CANX: variants seen among roughly 807,000 people sequenced by gnomAD.
CANX encodes calnexin, also known as epididymis secretory sperm binding protein.
Under a neutral mutation model 75.7 loss-of-function variants are expected in CANX, and 14 were observed. The ratio of observed to expected loss-of-function variants is 0.19; its 90% CI spans 0.12 to 0.29. The LOEUF (loss-of-function observed/expected upper bound fraction) is 0.29. CANX is among the 10% of genes least tolerant of loss of function. The pLI, the probability that CANX is intolerant of heterozygous loss-of-function variation, is 1.00. For synonymous variants in CANX, 227 were observed against 236.9 expected, an observed-to-expected ratio of 0.96 and a Z score of 0.38; for missense variants, 567 against 713.2, an observed-to-expected ratio of 0.79 and a Z score of 2.34.
rs11552425 is a variant in CANX, at chr5:179,730,285, C to A, written c.*1641C>A. The A allele has an allele frequency of 2.2e-5, 3 of 137,202 alleles. No homozygotes were observed. Among genetic ancestry groups the A allele is most frequent in the Non-Finnish European group, 5.0e-5 (3 of 59,680 alleles). 8.5% of individuals were successfully genotyped at this position (137,202 alleles called of 1,614,324 possible). On this transcript the variant is annotated 3_prime_UTR_variant, in exon 15 of 15. Transcript: ENST00000247461. ...ATGAAGGCTGTATCTATTTTTTTTT[C>A]TTTTTAAAGTTTGTTCACTTAAATT...
rs1212787698 is a variant in CANX at position 179,731,624 on chromosome 5, CA to C, written c.*2981del. ...TTCTCTTGATTTTAAAATAAAACCT[CA>C]TGAGCCCTAGTAAAAAGCTAGAGTA... On this transcript the variant is annotated 3_prime_UTR_variant, in exon 15 of 15. Coordinates refer to ENST00000247461, the MANE Select transcript of CANX (RefSeq NM_001746.4). 6.6e-6 allele frequency among the ~76,000 whole-genome samples: 1 copy of C among 152,208 alleles called. No individual in the cohort carries two copies. The highest frequency in any genetic ancestry group is 1.5e-5 in the Non-Finnish European group (1 of 68,032).
chr5:179,708,402 T>TA, intron 5 of CANX, 22 bp downstream of exon 5: 1 of 1,605,140 alleles, frequency 6.2e-7, no homozygotes, highest in South Asian at 1.1e-5. Context: ...GCTTGTTGGA[T>TA]AAAAGCTTTC....
intron 7 of CANX, among the ~76,000 whole-genome samples, chr5:179,713,913 TC>T (rs1172319668): frequency 6.6e-6 from 1 of 152,234 alleles, no homozygotes; most frequent in African/African-American, 2.4e-5. Flanking sequence ...AGACTCTGTC[TC>T]TATAAAATAG....
At chr5:179,708,034 A>G (rs1234436257) in intron 4 of CANX, among the ~76,000 whole-genome samples, 1 of 151,946 alleles carries the variant, frequency 6.6e-6, no homozygotes, top group African/African-American at 2.4e-5. Context: ...ATGGGGTTTC[A>G]CCATGTTGGC....
intron 1 of CANX, chr5:179,704,576 C>T (rs1285365454): frequency 1.3e-5 from 2 of 151,414 alleles, no homozygotes; most frequent in Non-Finnish European, 2.9e-5. Context: ...TGGCTCACGC[C>T]TGTAATCCCA....
At chr5:179,726,853 G>A in intron 14 of CANX, 94 bp downstream of exon 14, 2 of 905,758 alleles carry the variant, frequency 2.2e-6, no homozygotes, top group Non-Finnish European at 3.5e-6. Context: ...AGTGGCTTAT[G>A]GCAGTAAAAA....
At chr5:179,725,152 A>G (rs1002889589) in intron 13 of CANX, among the ~76,000 whole-genome samples, 1 of 152,110 alleles carries the variant, frequency 6.6e-6, no homozygotes, top group African/African-American at 2.4e-5. Context: ...CACCCCTCCA[A>G]GTAGCTGGGA....
chr5:179,726,669 T>A lies in CANX; in HGVS notation c.1646-11T>A. ...ATAAGGTTTTGCTCAGTTGTTTAAC[T>A]TCTGTCTTAGAAGAGAAACAGAAAA... On this transcript the variant is annotated splice_polypyrimidine_tract_variant and intron_variant, in intron 13 of 14. Coordinates refer to ENST00000247461, the MANE Select transcript of CANX (RefSeq NM_001746.4). The A allele has an allele frequency of 6.2e-7, 1 of 1,600,472 alleles. No individual in the cohort carries two copies. The highest frequency in any genetic ancestry group is 1.1e-5 in the South Asian group (1 of 90,748).
At chr5:179,725,862 C>G (rs1233377529) in intron 13 of CANX, among the ~76,000 whole-genome samples, 2 of 151,368 alleles carry the variant, frequency 1.3e-5, no homozygotes, top group Admixed American at 1.3e-4. Flanking sequence ...GTGGCGGGCG[C>G]CTGTAGTCCC....
Position 179,722,875 on chromosome 5 carries a change from T to G in CANX, c.1254T>G (p.Pro418=). ...ATCTGGAACCTTTCAGAATGACTCC[T>G]TTTAGTGCTATTGGTTTGGAGCTGT... ...FEDLEPFRMT[P]FSAIGLELWS... Residue 418 remains proline, a synonymous_variant, in exon 11 of 15, where the codon CCT becomes CCG. Transcript: ENST00000247461. 6.2e-7 allele frequency: 1 copy of G among 1,613,860 alleles called. No homozygotes were observed. Among genetic ancestry groups the G allele is most frequent in the South Asian group, 1.1e-5 (1 of 91,078 alleles).
upstream of CANX, chr5:179,694,141 T>C (rs1321773990): frequency 4.3e-5 from 4 of 92,604 alleles, no homozygotes; most frequent in Non-Finnish European, 7.6e-5. Context: ...AGAAACTCCG[T>C]CTCAAAAAAA....
At chr5:179,692,453 A>G (rs1014592166) in intron 1 of CANX, among the ~76,000 whole-genome samples, 1 of 152,086 alleles carries the variant, frequency 6.6e-6, no homozygotes, top group Non-Finnish European at 1.5e-5. Flanking sequence ...CACATCTGTA[A>G]TCCCAGCACT....
chr5:179,718,157 C>T (rs770256682), intron 8 of CANX, among the ~76,000 whole-genome samples: 40 of 152,092 alleles, frequency 2.6e-4, no homozygotes, highest in Non-Finnish European at 5.1e-4. Context: ...CAGGTATGCA[C>T]GCCTGGCTAA....
Position 179,722,868 on chromosome 5 carries a change from T to A in CANX, c.1247T>A (p.Met416Lys). The A allele has an allele frequency of 6.2e-7, 1 of 1,614,014 alleles. No individual in the cohort carries two copies. ...TTTGAAGATCTGGAACCTTTCAGAA[T>A]GACTCCTTTTAGTGCTATTGGTTTG... ...DFFEDLEPFR[M>K]TPFSAIGLEL... Residue 416 changes from methionine to lysine, a missense_variant, in exon 11 of 15, where the codon ATG (methionine) becomes AAG (lysine). Met to Lys is a moderately conservative substitution (Grantham distance 95, BLOSUM62 -1). This residue lies in a region of CANX where 49 missense variants were observed against 100.1 expected (regional missense o/e 0.49). Transcript: ENST00000247461.
At chr5:179,705,106 C>G (rs966167136) in intron 1 of CANX, among the ~76,000 whole-genome samples, 3 of 152,088 alleles carry the variant, frequency 2.0e-5, no homozygotes, top group Non-Finnish European at 2.9e-5. Context: ...CTGACTCAGC[C>G]TCCCAAGTAG....
At chr5:179,717,362 G>A (rs1185439508) in intron 8 of CANX, among the ~76,000 whole-genome samples, 4 of 152,146 alleles carry the variant, frequency 2.6e-5, no homozygotes, top group East Asian at 3.9e-4. Flanking sequence ...CCCATTAAGC[G>A]GCCACTCCCT....
intron 7 of CANX, among the ~76,000 whole-genome samples, chr5:179,710,863 G>T (rs371665054): frequency 1.5e-4 from 22 of 151,650 alleles, no homozygotes; most frequent in African/African-American, 5.1e-4. Flanking sequence ...GACTAGCATG[G>T]CCAACATGGT....
chr5:179,710,656 C>G (rs1159418157), intron 7 of CANX, among the ~76,000 whole-genome samples: 1 of 132,954 alleles, frequency 7.5e-6, no homozygotes, highest in South Asian at 2.5e-4. Context: ...TGCAGTGAGC[C>G]GAGATCGCGC....
At chr5:179,707,539 G>A (rs1331711948) in intron 4 of CANX, among the ~76,000 whole-genome samples, 2 of 142,942 alleles carry the variant, frequency 1.4e-5, no homozygotes, top group East Asian at 2.1e-4. Flanking sequence ...AGCCGAGAAC[G>A]CGCCACTGCA....
Sources: allele counts gnomAD v4.1 joint callset (sites outside exome capture counted in the v4.1 genomes callset), GRCh38; gene constraint gnomAD v4.1.1; regional missense constraint gnomAD v4.1.1; transcripts MANE v1.5; gene names NCBI Gene and HGNC (gene_info 2026-07-23, HGNC 2026-07-21).